Variants in OTUD7A observed in about 807,000 individuals in gnomAD.
OTUD7A encodes the protein OTU domain-containing protein 7A.
OTUD7A carries 12 observed loss-of-function variants against 65.7 expected under a neutral mutation model. That is an observed-to-expected ratio of 0.18 (90% CI 0.12 to 0.30). OTUD7A has a LOEUF of 0.30. Ranked by LOEUF, OTUD7A falls within the 10% of genes least tolerant of loss-of-function variation. The pLI, the probability that OTUD7A is intolerant of heterozygous loss-of-function variation, is 1.00. For synonymous variants in OTUD7A, 641 were observed against 586.3 expected (o/e 1.09, Z -1.35); for missense variants, 1,148 against 1,304.8 (o/e 0.88, Z 1.85).
intron 1 of OTUD7A, among the ~76,000 whole-genome samples, chr15:31,789,706 CTTTTTT>C (rs11354353): frequency 9.4e-6 from 1 of 105,874 alleles, no homozygotes. Flanking sequence ...CAATGCTGCC[CTTTTTT>C]TTTTTTTTTT....
chr15:31,745,767 A>G (rs1235338577), intron 1 of OTUD7A, among the ~76,000 whole-genome samples: 1 of 152,314 alleles, frequency 6.6e-6, no homozygotes, highest in East Asian at 1.9e-4. Context: ...TGAGAAAAAA[A>G]TATTCACAAG....
chr15:31,732,012 A>C (rs184300311), intron 1 of OTUD7A, among the ~76,000 whole-genome samples: 16 of 152,252 alleles, frequency 1.1e-4, no homozygotes, highest in Admixed American at 9.2e-4. Context: ...AACCAGGAGG[A>C]GGGAGATACA....
Position 31,530,714 on chromosome 15 carries a change from A to G in OTUD7A, c.645T>C (p.Ala215=), listed in dbSNP as rs944945731. ...TGDGNCLLHA[A]SLGMWGFHDR... is the part of the protein sequence containing the mutation. ...CTGTGCTGTGGAGCTTACCCAGTGA[A>G]GCAGCATGTAAAAGGCAGTTCCCAT... Residue 215 remains alanine (A), a synonymous_variant, in exon 6 of 13, where the codon GCT becomes GCC. Transcript: ENST00000307050. 3.1e-6 allele frequency: 5 copies of G among 1,614,116 alleles called. No homozygotes were observed. Among genetic ancestry groups the G allele is most frequent in the Non-Finnish European group, 4.2e-6 (5 of 1,179,970 alleles).
intron 1 of OTUD7A, among the ~76,000 whole-genome samples, chr15:31,816,188 C>T (rs532374989): frequency 6.6e-6 from 1 of 152,280 alleles, no homozygotes; most frequent in South Asian, 2.1e-4. Context: ...TGCTTTTCAT[C>T]CAATCACTCT....
chr15:31,702,756 A>AT (rs1893241943), intron 1 of OTUD7A, among the ~76,000 whole-genome samples: 1 of 151,706 alleles, frequency 6.6e-6, no homozygotes, highest in African/African-American at 2.4e-5. Flanking sequence ...AGTTATTGTA[A>AT]TATTTATATG....
At chr15:31,853,917 G>A (rs1483413668) in intron 1 of OTUD7A, among the ~76,000 whole-genome samples, 2 of 152,210 alleles carry the variant, frequency 1.3e-5, no homozygotes, top group Non-Finnish European at 2.9e-5. Flanking sequence ...GGTAGGGAAG[G>A]AGAAGAGCAA....
chr15:31,617,992 T>C (rs949663344), intron 3 of OTUD7A, among the ~76,000 whole-genome samples: 22 of 150,606 alleles, frequency 1.5e-4, no homozygotes, highest in Non-Finnish European at 2.5e-4. Flanking sequence ...AGTGTTCTCA[T>C]TGTTCAATTC....
At chr15:31,715,733 G>T (rs1222312781) in intron 1 of OTUD7A, among the ~76,000 whole-genome samples, 6 of 118,096 alleles carry the variant, frequency 5.1e-5, no homozygotes, top group African/African-American at 1.7e-4. Context: ...ACAAGTTGAA[G>T]AAATAAATGA....
chr15:31,637,013 T>C (rs1891362708), intron 3 of OTUD7A, among the ~76,000 whole-genome samples: 1 of 152,202 alleles, frequency 6.6e-6, no homozygotes, highest in Non-Finnish European at 1.5e-5. Flanking sequence ...AAGTGGCAAG[T>C]GCTGATGGAG....
intron 3 of OTUD7A, among the ~76,000 whole-genome samples, chr15:31,586,622 G>A (rs1345592163): frequency 6.6e-6 from 1 of 152,118 alleles, no homozygotes; most frequent in Non-Finnish European, 1.5e-5. Context: ...GGCAGTGTAA[G>A]TCTGAAGAGT....
At chr15:31,802,153 A>ATATATG (rs112482684) in intron 1 of OTUD7A, among the ~76,000 whole-genome samples, 9 of 150,178 alleles carry the variant, frequency 6.0e-5, no homozygotes, top group African/African-American at 2.0e-4. Context: ...ATATATATAT[A>ATATATG]TGTAAAGGGG....
chr15:31,840,504 T>C (rs1172729900), intron 1 of OTUD7A, among the ~76,000 whole-genome samples: 3 of 152,246 alleles, frequency 2.0e-5, no homozygotes, highest in East Asian at 1.9e-4. Context: ...CTCTAAATGA[T>C]AGTAGTCTAT....
intron 5 of OTUD7A, among the ~76,000 whole-genome samples, chr15:31,540,289 A>G (rs1887946930): frequency 6.6e-6 from 1 of 152,202 alleles, no homozygotes; most frequent in African/African-American, 2.4e-5. Context: ...AAGGAGGTGA[A>G]AGACCTGATT....
At chr15:31,788,247 T>C (rs1012937902) in intron 1 of OTUD7A, among the ~76,000 whole-genome samples, 1 of 152,246 alleles carries the variant, frequency 6.6e-6, no homozygotes, top group Non-Finnish European at 1.5e-5. Context: ...TGCACTAATG[T>C]GCCTGATATG....
chr15:31,729,471 T>C (rs1236198976), intron 1 of OTUD7A, among the ~76,000 whole-genome samples: 2 of 152,202 alleles, frequency 1.3e-5, no homozygotes, highest in Non-Finnish European at 2.9e-5. Flanking sequence ...ATACGGAAGC[T>C]TGCATTTAAA....
intron 1 of OTUD7A, among the ~76,000 whole-genome samples, chr15:31,676,989 T>A (rs928744361): frequency 1.5e-4 from 23 of 152,246 alleles, no homozygotes; most frequent in Non-Finnish European, 3.1e-4. Context: ...ATGTTGACCA[T>A]GGCCCTTGCC....
intron 1 of OTUD7A, among the ~76,000 whole-genome samples, chr15:31,796,321 G>A (rs948558313): frequency 1.3e-5 from 2 of 152,120 alleles, no homozygotes; most frequent in Admixed American, 6.5e-5. Flanking sequence ...AATCTGCAGG[G>A]CAGATGGGCA....
intron 1 of OTUD7A, among the ~76,000 whole-genome samples, chr15:31,834,938 T>A (rs1332041533): frequency 1.3e-5 from 2 of 152,186 alleles, no homozygotes; most frequent in African/African-American, 4.8e-5. Flanking sequence ...AGAGTAAGTG[T>A]GAGTGAGCAA....
intron 1 of OTUD7A, among the ~76,000 whole-genome samples, chr15:31,711,263 G>C (rs1289801636): frequency 6.6e-6 from 1 of 152,018 alleles, no homozygotes; most frequent in African/African-American, 2.4e-5. Flanking sequence ...TAAAGGCTGT[G>C]ACTGATAACA....
Sources: gnomAD v4.1 joint callset for allele counts (sites outside exome capture counted in the v4.1 genomes callset) on GRCh38, gnomAD v4.1.1 for gene constraint, MANE v1.5 for transcripts, NCBI Gene and HGNC (gene_info 2026-07-23, HGNC 2026-07-21) for gene names.